The following LDLRAD4 variants were observed in gnomAD, a reference collection of about 807,000 sequenced individuals.
LDLRAD4 encodes the protein low density lipoprotein receptor class A domain containing 4, also known as low-density lipoprotein receptor class A domain-containing protein 4.
Under a neutral mutation model 17.0 loss-of-function variants are expected in LDLRAD4, and 5 were observed. That is an observed-to-expected ratio of 0.29 (90% confidence interval 0.15 to 0.62). The LOEUF is 0.62. Ranked by LOEUF, LDLRAD4 falls within the 20% of genes least tolerant of loss-of-function variation. The pLI is 0.84. For synonymous variants in LDLRAD4, 168 were observed against 171.8 expected (o/e 0.98, Z 0.17); for missense variants, 340 against 424.7 (o/e 0.80, Z 1.75).
At chr18:13,219,164 TG>T (rs1244702195) in intron 1 of LDLRAD4, among the ~76,000 whole-genome samples, 176 bp downstream of exon 1, 1 of 151,126 alleles carries the variant, frequency 6.6e-6, no homozygotes, top group African/African-American at 2.4e-5. Flanking sequence ...TGGGCGGCAC[TG>T]GGGGAAGGCG....
At chr18:13,625,185 T>G (rs2041021357) in intron 4 of LDLRAD4, among the ~76,000 whole-genome samples, 1 of 152,338 alleles carries the variant, frequency 6.6e-6, no homozygotes, top group Admixed American at 6.5e-5. Context: ...CAGGGCTCCA[T>G]GAGCACATTA....
At chr18:13,444,602 A>G (rs2091261748) in intron 3 of LDLRAD4, among the ~76,000 whole-genome samples, 1 of 152,198 alleles carries the variant, frequency 6.6e-6, no homozygotes, top group African/African-American at 2.4e-5. Context: ...GGTCAGCTGC[A>G]CATAGTGGAC....
rs533792993 is a variant in LDLRAD4, at chr18:13,621,942, G to A, written c.336+671G>A. Among the ~76,000 whole-genome samples the A allele has an allele frequency of 1.3e-5, 2 of 152,310 alleles. No individual in the cohort carries two copies. The highest frequency in any genetic ancestry group is 3.9e-4 in the East Asian group (2 of 5,176). On this transcript the variant is annotated intron_variant, in intron 4 of 5. Transcript: ENST00000359446. The surrounding 1 kb of genome is among the most constrained non-coding windows in gnomAD (Gnocchi z 5.5). ...GATCAAACTTGAGAGACCAGGGGCTGCTGTCCCAAGCCTGTTTTACAGGCT... is the reference window on the plus strand; with the variant it reads ...GATCAAACTTGAGAGACCAGGGGCTACTGTCCCAAGCCTGTTTTACAGGCT...
At chr18:13,520,686 C>G (rs557243322) in intron 3 of LDLRAD4, 3 of 152,178 alleles carry the variant, frequency 2.0e-5, no homozygotes, top group Non-Finnish European at 4.4e-5. Context: ...GACCTCGTCT[C>G]TACTAAAAAT....
intron 1 of LDLRAD4, among the ~76,000 whole-genome samples, chr18:13,353,872 C>T (rs533379787): frequency 6.6e-6 from 1 of 152,330 alleles, no homozygotes; most frequent in African/African-American, 2.4e-5. Context: ...ACTTTGTTTT[C>T]CAGCTCTTTT....
intron 2 of LDLRAD4, among the ~76,000 whole-genome samples, chr18:13,395,955 A>T (rs2086656789): frequency 6.6e-6 from 1 of 151,994 alleles, no homozygotes; most frequent in Non-Finnish European, 1.5e-5. Flanking sequence ...CCAGAGTCTC[A>T]TGGAGTCGTC....
At chr18:13,252,596 C>T (rs530339717) in intron 1 of LDLRAD4, among the ~76,000 whole-genome samples, 13 of 152,216 alleles carry the variant, frequency 8.5e-5, no homozygotes, top group South Asian at 2.1e-4. Flanking sequence ...AGACTGATGA[C>T]GAGGTTGGTG....
intron 3 of LDLRAD4, among the ~76,000 whole-genome samples, chr18:13,518,029 C>T (rs900820135): frequency 1.3e-5 from 2 of 152,124 alleles, no homozygotes; most frequent in African/African-American, 2.4e-5. Context: ...CCACCGCGCC[C>T]GGCCATGACT....
chr18:13,300,598 A>T lies in LDLRAD4; in HGVS notation c.-383+22410A>T, dbSNP rs1483786135. Among the ~76,000 whole-genome samples, 1 of 152,114 alleles carries T rather than the reference A, an allele frequency of 6.6e-6. No homozygotes were observed. Among genetic ancestry groups the T allele is most frequent in the Non-Finnish European group, 1.5e-5 (1 of 68,012 alleles). On this transcript the variant is annotated intron_variant, in intron 1 of 5. Transcript: ENST00000359446. This position sits in a 1 kb window ranked among gnomAD's most constrained non-coding sequence, Gnocchi z 4.2. ...CTTATTTCGGGGTGGGTGTGTGAGA[A>T]TTGGCTGTGAGATGAGTGACAGCAG... is the stretch of plus-strand genomic sequence containing the variant.
At chr18:13,348,534 G>T (rs1009233741) in intron 1 of LDLRAD4, among the ~76,000 whole-genome samples, 1 of 152,174 alleles carries the variant, frequency 6.6e-6, no homozygotes, top group Non-Finnish European at 1.5e-5. Flanking sequence ...TCCACTTGAG[G>T]AGGCAGTCTG....
intron 1 of LDLRAD4, among the ~76,000 whole-genome samples, chr18:13,262,139 G>A (rs1411613354): frequency 7.7e-6 from 1 of 129,486 alleles, no homozygotes; most frequent in African/African-American, 2.8e-5. Flanking sequence ...CGTGGAAACT[G>A]AGTCCCGTGC....
chr18:13,412,868 C>G (rs905158260), intron 2 of LDLRAD4, among the ~76,000 whole-genome samples: 14 of 152,172 alleles, frequency 9.2e-5, no homozygotes, highest in Non-Finnish European at 1.8e-4. Context: ...CACTTTGCTC[C>G]CAGCAGCTTC....
intron 1 of LDLRAD4, among the ~76,000 whole-genome samples, chr18:13,386,008 A>T (rs2085769856): frequency 6.6e-6 from 1 of 152,204 alleles, no homozygotes; most frequent in Non-Finnish European, 1.5e-5. Flanking sequence ...AATTTATAAC[A>T]TACTCCTTGT....
intron 4 of LDLRAD4, chr18:13,642,443 AGGCCTGTGGCT>A: frequency 8.5e-7 from 1 of 1,178,830 alleles, no homozygotes; most frequent in African/African-American, 1.6e-5. Flanking sequence ...ACCTTTACTG[AGGCCTGTGGCT>A]GGCCTGTCAC....
intron 1 of LDLRAD4, among the ~76,000 whole-genome samples, chr18:13,291,897 T>TA (rs1412658307): frequency 6.6e-6 from 1 of 152,116 alleles, no homozygotes. Flanking sequence ...ACCAGGAAAA[T>TA]ATGGCCCTGA....
chr18:13,257,198 G>A (rs1354430597), intron 1 of LDLRAD4, among the ~76,000 whole-genome samples: 3 of 152,230 alleles, frequency 2.0e-5, no homozygotes, highest in African/African-American at 4.8e-5. Flanking sequence ...CCCATGTGCC[G>A]TGGGTCTGGT....
intron 3 of LDLRAD4, among the ~76,000 whole-genome samples, chr18:13,608,646 A>G (rs1372116229): frequency 6.6e-6 from 1 of 152,152 alleles, no homozygotes; most frequent in Non-Finnish European, 1.5e-5. Flanking sequence ...GCAAGGTTCC[A>G]GCCACCTTAG....
intron 3 of LDLRAD4, among the ~76,000 whole-genome samples, chr18:13,569,118 A>G (rs1399702736): frequency 6.6e-6 from 1 of 152,246 alleles, no homozygotes; most frequent in Non-Finnish European, 1.5e-5. Flanking sequence ...CACTAATCCA[A>G]TACTGAGATG....
Position 13,621,733 on chromosome 18 carries a change from G to A in LDLRAD4, c.336+462G>A, listed in dbSNP as rs1456677435. ...CGTGCCGGCAGCACATGGGTGCCAT[G>A]AGCTGGAGGACGCCTGGAGCTTAAG... On this transcript the variant is annotated intron_variant, in intron 4 of 5. Coordinates refer to ENST00000359446, the Ensembl canonical transcript of LDLRAD4. This position sits in a 1 kb window ranked among gnomAD's most constrained non-coding sequence, Gnocchi z 5.5. 6.6e-6 allele frequency among the ~76,000 whole-genome samples: 1 copy of A among 152,196 alleles called. No homozygotes were observed.
Sources: allele counts gnomAD v4.1 joint callset (sites outside exome capture counted in the v4.1 genomes callset), GRCh38; gene constraint gnomAD v4.1.1; non-coding constraint Gnocchi (gnomAD v3.1); transcripts MANE v1.5; gene names NCBI Gene and HGNC (gene_info 2026-07-23, HGNC 2026-07-21).